The following LSM12 variants were observed in gnomAD, a reference collection of about 807,000 sequenced individuals.
The protein encoded by LSM12 is LSM12 homolog, also known as protein LSM12.
For synonymous variants in LSM12, 74 were observed against 87.3 expected (o/e 0.85, Z 0.85); for missense variants, 108 against 238.9 (o/e 0.45, Z 3.61).
At chr17:44,037,884 T>G (rs1364540207) in intron 3 of LSM12, among the ~76,000 whole-genome samples, 1 of 152,218 alleles carries the variant, frequency 6.6e-6, no homozygotes, top group Non-Finnish European at 1.5e-5. Flanking sequence ...TTAAGGGTCT[T>G]GTAACAAACA....
At chr17:44,040,341 G>T in intron 2 of LSM12, 85 bp from the exon 3 acceptor site, 1 of 998,006 alleles carries the variant, frequency 1.0e-6, no homozygotes, top group Non-Finnish European at 1.5e-6. Context: ...AAGAAAGGAG[G>T]CCAGGAAAGA....
Position 44,037,430 on chromosome 17 carries a change from C to T in LSM12, c.477G>A (p.Leu159=). The part of the protein sequence containing the change: ...ENCKGKEGSA[L]SHVRKIVEKH... ...TACTTACTATTTTGCGTACATGGCT[C>T]AGTGCACTCCCCTCTTTGCCTTTAC... Residue 159 remains leucine (L), a synonymous_variant, in exon 4 of 5, where the codon CTG becomes CTA. Transcript: ENST00000293406. 1 of 1,603,170 alleles carries T rather than the reference C, an allele frequency of 6.2e-7. No individual in the cohort carries two copies. Among genetic ancestry groups the T allele is most frequent in the Non-Finnish European group, 8.5e-7 (1 of 1,175,984 alleles).
chr17:44,041,364 A>G (rs2049492551), intron 2 of LSM12, among the ~76,000 whole-genome samples: 2 of 149,946 alleles, frequency 1.3e-5, no homozygotes, highest in African/African-American at 4.9e-5. Flanking sequence ...ATTTCCATTC[A>G]AGGCGAAAAT....
intron 2 of LSM12, among the ~76,000 whole-genome samples, chr17:44,055,674 C>CAAATATATATATATA (rs937759415): frequency 1.4e-5 from 2 of 141,910 alleles, no homozygotes; most frequent in Non-Finnish European, 3.0e-5. Context: ...GACCCTGTCT[C>CAAATATATATATATA]AAATATATAT....
chr17:44,039,450 C>T (rs1427118856), intron 3 of LSM12, among the ~76,000 whole-genome samples: 3 of 132,778 alleles, frequency 2.3e-5, no homozygotes. Context: ...GGCGCAATCT[C>T]GGCTCACTGC....
chr17:44,052,507 C>T (rs2049659301), intron 2 of LSM12, among the ~76,000 whole-genome samples: 1 of 151,994 alleles, frequency 6.6e-6, no homozygotes, highest in South Asian at 2.1e-4. Flanking sequence ...ACTTGTAATC[C>T]CAGAACTTTG....
At chr17:44,048,481 C>CAA (rs534794067) in intron 2 of LSM12, among the ~76,000 whole-genome samples, 16 of 64,370 alleles carry the variant, frequency 2.5e-4, no homozygotes, top group African/African-American at 7.7e-4. Flanking sequence ...GACTCCATCT[C>CAA]AAAAAAAAAA....
intron 2 of LSM12, among the ~76,000 whole-genome samples, chr17:44,046,672 T>C (rs1012689724): frequency 7.9e-6 from 1 of 126,412 alleles, no homozygotes; most frequent in African/African-American, 3.0e-5. Flanking sequence ...AATGCGCCAC[T>C]GCACTCCAGC....
At chr17:44,055,730 T>TATATATAATATATAAAATATATATAAAA (rs2049704924) in intron 2 of LSM12, among the ~76,000 whole-genome samples, 1 of 145,048 alleles carries the variant, frequency 6.9e-6, no homozygotes, top group African/African-American at 2.5e-5. Flanking sequence ...ATAAAATATA[T>TATATATAATATATAAAATATATATAAAA]TATATATATA....
intron 3 of LSM12, among the ~76,000 whole-genome samples, chr17:44,038,902 G>A (rs2049450568): frequency 6.6e-6 from 1 of 152,146 alleles, no homozygotes; most frequent in Non-Finnish European, 1.5e-5. Flanking sequence ...CAGCTCTGAT[G>A]CCAGCTGCCA....
intron 2 of LSM12, among the ~76,000 whole-genome samples, chr17:44,049,188 AAAAAAC>A (rs1013412371): frequency 1.1e-4 from 16 of 151,896 alleles, no homozygotes; most frequent in Non-Finnish European, 1.8e-4. Context: ...CTCTGTCTTT[AAAAAAC>A]AACAACAACA....
rs2049783302 is a variant in LSM12 at position 44,060,575 on chromosome 17, TTA to T, written c.258+3224_258+3225del. 3.3e-5 allele frequency among the ~76,000 whole-genome samples: 5 copies of T among 152,300 alleles called. 1 individual carries two copies. The South Asian group carries it at 1.0e-3, about 32-fold the overall frequency. ...TAACCCTCCAACCTAATTTTAGTTT[TTA>T]GTTTCTGACTCCTCTTCCCAGCAAA... On this transcript the variant is annotated intron_variant, in intron 2 of 4. Coordinates refer to ENST00000293406, the MANE Select transcript of LSM12 (RefSeq NM_001371445.1).
rs1336359679 is a variant in LSM12 at position 44,035,640 on chromosome 17, T to C, written c.*568A>G. ...TATATTTTCATATATATATTTAAAG[T>C]TAAGAAAAATAAAACTAATTCAAGC... On this transcript the variant is annotated 3_prime_UTR_variant, in exon 5 of 5. Transcript: ENST00000293406. 1.7e-5 allele frequency: 1 copy of C among 58,774 alleles called. No homozygotes were observed. Among genetic ancestry groups the C allele is most frequent in the Non-Finnish European group, 3.2e-5 (1 of 31,002 alleles). The allele number at this position is 58,774 out of a possible 1,614,324, so 3.6% of individuals were successfully genotyped here. A position where few individuals can be genotyped will look rare whatever the true frequency, so the allele number is the denominator to read the frequency against.
chr17:44,039,362 T>C (rs1019047381), intron 3 of LSM12, among the ~76,000 whole-genome samples: 1 of 118,238 alleles, frequency 8.5e-6, no homozygotes, highest in African/African-American at 3.2e-5. Flanking sequence ...ACCAACAAAA[T>C]GTCTTTTTTT....
intron 2 of LSM12, among the ~76,000 whole-genome samples, chr17:44,047,484 T>A (rs2049584035): frequency 1.3e-5 from 2 of 152,042 alleles, no homozygotes; most frequent in South Asian, 4.1e-4. Context: ...TGACCTCAGG[T>A]GATTCACCTG....
rs1319942329 is a variant in LSM12 at position 44,037,240 on chromosome 17, A to G, written c.495+172T>C. On this transcript the variant is annotated intron_variant, in intron 4 of 4. Transcript: ENST00000293406. ...TCTTTCCACACCACCCAGTGGTTCC[A>G]TTCCCACAGGACTGCAGAACCCCAC... 2.4e-5 allele frequency: 16 copies of G among 666,710 alleles called. 1 individual carries two copies. The East Asian group carries it at 4.9e-4, about 20-fold the overall frequency. The allele number at this position is 666,710 out of a possible 1,614,324, so 41.3% of individuals were successfully genotyped here. A position where few individuals can be genotyped will look rare whatever the true frequency, so the allele number is the denominator to read the frequency against.
At chr17:44,037,977 G>T (rs116156284) in intron 3 of LSM12, among the ~76,000 whole-genome samples, 1,862 of 152,292 alleles carry the variant, frequency 0.012, 39 homozygotes, top group African/African-American at 0.043. Context: ...TGGACAATAG[G>T]TAAAACAGAT....
Position 44,040,232 on chromosome 17 carries a change from T to C in LSM12, c.283A>G (p.Lys95Glu). 6.2e-7 allele frequency: 1 copy of C among 1,613,926 alleles called. No individual in the cohort carries two copies. Among genetic ancestry groups the C allele is most frequent in the Non-Finnish European group, 8.5e-7 (1 of 1,179,886 alleles). Residue 95 changes from lysine (K) to glutamate (E), a missense_variant, in exon 3 of 5, where the codon AAG becomes GAG. Physicochemically the swap from Lys to Glu is moderately conservative, Grantham distance 56. Coordinates refer to ENST00000293406, the MANE Select transcript of LSM12 (RefSeq NM_001371445.1). ...SKLASKARTEKEEKLSQAYAI... is the reference protein window; with the variant it reads ...SKLASKARTEEEEKLSQAYAI... ...TAGGCCTGGCTCAGCTTCTCCTCCTTCTCTGTCCGTGCTTTGCTGGCAAGC... is the reference window on the plus strand; with the variant it reads ...TAGGCCTGGCTCAGCTTCTCCTCCTCCTCTGTCCGTGCTTTGCTGGCAAGC...
At chr17:44,043,769 G>A (rs1259451239) in intron 2 of LSM12, among the ~76,000 whole-genome samples, 1 of 148,654 alleles carries the variant, frequency 6.7e-6, no homozygotes, top group East Asian at 2.0e-4. Flanking sequence ...AGTAGTTACA[G>A]ACCAGCCTGG....
Sources: gnomAD v4.1 joint callset for allele counts (sites outside exome capture counted in the v4.1 genomes callset) on GRCh38, gnomAD v4.1.1 for gene constraint, MANE v1.5 for transcripts, NCBI Gene and HGNC (gene_info 2026-07-23, HGNC 2026-07-21) for gene names.